ESF1: variants seen among roughly 807,000 people sequenced by gnomAD.
The protein encoded by ESF1 is ESF1 homolog.
Under a neutral mutation model 92.0 loss-of-function variants are expected in ESF1, and 58 were observed. That is an observed-to-expected ratio of 0.63 (90% CI 0.51 to 0.78). The LOEUF (loss-of-function observed/expected upper bound fraction) is 0.78, where lower values mean the gene tolerates loss of function less well. Ranked by LOEUF, ESF1 falls within the 30% of genes least tolerant of loss-of-function variation. The pLI, the probability that ESF1 is intolerant of heterozygous loss-of-function variation, is 0.00. For missense variants in ESF1, 922 were observed against 989.1 expected, an observed-to-expected ratio of 0.93 and a Z score of 0.91; for synonymous variants, 321 against 313.7, an observed-to-expected ratio of 1.02 and a Z score of -0.24.
chr20:13,769,751 A>C (rs1315864421), intron 7 of ESF1, among the ~76,000 whole-genome samples, 156 bp downstream of exon 7: 1 of 152,198 alleles, frequency 6.6e-6, no homozygotes, highest in East Asian at 1.9e-4. Context: ...ATACCACTGC[A>C]CTCCAGCCTG....
Position 13,733,769 on chromosome 20 carries a change from T to C in ESF1, c.1902A>G (p.Gln634=), listed in dbSNP as rs1352251427. ...EGKDKLTPWE[Q]FLEKKKEKKR... ...TTTTCTCTTTCTTCTTCTCTAAAAATTGTTCCCAAGGGGTCAGTTTATCCT... is the reference window on the plus strand; with the variant it reads ...TTTTCTCTTTCTTCTTCTCTAAAAACTGTTCCCAAGGGGTCAGTTTATCCT... Residue 634 remains glutamine, a synonymous_variant, in exon 10 of 14, where the codon CAA becomes CAG. Coordinates refer to ENST00000617257, the MANE Select transcript of ESF1 (RefSeq NM_001276380.2). 6.2e-7 allele frequency: 1 copy of C among 1,613,108 alleles called. No homozygotes were observed. Among genetic ancestry groups the C allele is most frequent in the Non-Finnish European group, 8.5e-7 (1 of 1,179,866 alleles).
At chr20:13,738,959 A>G (rs545184274) in intron 9 of ESF1, among the ~76,000 whole-genome samples, 23 of 152,360 alleles carry the variant, frequency 1.5e-4, no homozygotes, top group African/African-American at 4.8e-4. Flanking sequence ...AATAGTAAAT[A>G]GCAAAAATGA....
At chr20:13,758,525 T>A (rs1979005121) in intron 9 of ESF1, among the ~76,000 whole-genome samples, 1 of 152,130 alleles carries the variant, frequency 6.6e-6, no homozygotes, top group African/African-American at 2.4e-5. Context: ...TCCTCAAATA[T>A]CAAAATACCC....
At chr20:13,736,178 G>A (rs962879450) in intron 9 of ESF1, among the ~76,000 whole-genome samples, 2 of 152,112 alleles carry the variant, frequency 1.3e-5, no homozygotes, top group Non-Finnish European at 2.9e-5. Context: ...TTTTGGACCA[G>A]ATAATTCTTT....
chr20:13,737,107 C>T (rs2049980336), intron 9 of ESF1, among the ~76,000 whole-genome samples: 1 of 152,184 alleles, frequency 6.6e-6, no homozygotes, highest in African/African-American at 2.4e-5. Context: ...AGAGCAGCCA[C>T]TATGTGACTG....
chr20:13,714,847 T>C lies in ESF1; in HGVS notation c.*27A>G. On this transcript the variant is annotated 3_prime_UTR_variant, in exon 14 of 14. Transcript: ENST00000617257. ...TTTGTACATTTTAGGAAAAGATGTATTCAGTTCAAAAATAAGTAACATCCA... is the reference window on the plus strand; with the variant it reads ...TTTGTACATTTTAGGAAAAGATGTACTCAGTTCAAAAATAAGTAACATCCA... 6.4e-7 allele frequency: 1 copy of C among 1,550,680 alleles called. No individual in the cohort carries two copies.
chr20:13,769,974 G>A lies in ESF1; in HGVS notation c.1451C>T (p.Ala484Val). ...ATATGCTGTTAAATTCACTTCTGAG[G>A]CTACATCCTTAGGCTCATCATCAAA... ...ITFDDEPKDVASEVNLTAYKP... is the reference protein window; with the variant it reads ...ITFDDEPKDVVSEVNLTAYKP... Residue 484 changes from alanine (A) to valine (V), a missense_variant, in exon 7 of 14, where the codon GCC (alanine) becomes GTC (valine). Ala to Val is a moderately conservative substitution (Grantham distance 64). Coordinates refer to ENST00000617257, the MANE Select transcript of ESF1 (RefSeq NM_001276380.2). 1 of 1,611,940 alleles carries A rather than the reference G, an allele frequency of 6.2e-7. No individual in the cohort carries two copies. The highest frequency in any genetic ancestry group is 2.2e-5 in the East Asian group (1 of 44,784).
chr20:13,762,266 A>C (rs572734684), intron 8 of ESF1, among the ~76,000 whole-genome samples: 27 of 152,268 alleles, frequency 1.8e-4, no homozygotes, highest in African/African-American at 5.8e-4. Flanking sequence ...ATCCTATCAC[A>C]CTTTTATTTT....
Position 13,784,889 on chromosome 20 carries a change from T to A in ESF1, c.-53A>T. ...GTCCATCCCCACTCACCGTCCGCAG[T>A]CCTACCAAGCCTCACGTGGGGCTCA... On this transcript the variant is annotated 5_prime_UTR_variant, in exon 1 of 14. Transcript: ENST00000617257. 1.6e-6 allele frequency: 1 copy of A among 620,052 alleles called. No individual in the cohort carries two copies. Among genetic ancestry groups the A allele is most frequent in the South Asian group, 1.9e-5 (1 of 51,414 alleles). The allele number at this position is 620,052 out of a possible 1,614,324, so 38.4% of individuals were successfully genotyped here.
intron 9 of ESF1, among the ~76,000 whole-genome samples, chr20:13,755,729 A>G (rs946317447): frequency 6.6e-6 from 1 of 152,234 alleles, no homozygotes; most frequent in Non-Finnish European, 1.5e-5. Flanking sequence ...ATATTGATAG[A>G]AAGAGTAGCT....
chr20:13,764,458 T>G (rs1305013601), intron 8 of ESF1, among the ~76,000 whole-genome samples: 2 of 152,164 alleles, frequency 1.3e-5, no homozygotes, highest in Non-Finnish European at 2.9e-5. Context: ...AAAGTACAGC[T>G]GATTCTTCAA....
intron 11 of ESF1, among the ~76,000 whole-genome samples, chr20:13,720,282 G>C (rs1326272755): frequency 6.6e-6 from 1 of 152,076 alleles, no homozygotes; most frequent in Non-Finnish European, 1.5e-5. Flanking sequence ...TGAGAGCCAA[G>C]TGTGACCCAC....
chr20:13,782,646 AT>A lies in ESF1; in HGVS notation c.494del (p.Asn165IlefsTer24), dbSNP rs775532281. 2.7e-5 allele frequency: 43 copies of A among 1,605,530 alleles called. No individual in the cohort carries two copies. The highest frequency in any genetic ancestry group is 3.5e-5 in the Non-Finnish European group (41 of 1,177,792). ...KKDSKEFTQKNKKEKKNIVQH... is the reference protein window; with the variant it reads ...KKDSKEFTQKXKKEKKNIVQH... ...GAACAATGTTTTTTTTCTCTTTCTT[AT>A]TTTTTTGTGTAAATTCTTTGCTATC... On this transcript the variant is annotated frameshift_variant, in exon 2 of 14. Coordinates refer to ENST00000617257, the MANE Select transcript of ESF1 (RefSeq NM_001276380.2). LOFTEE classifies it high-confidence loss of function.
intron 10 of ESF1, among the ~76,000 whole-genome samples, chr20:13,731,475 T>C (rs1000076354): frequency 9.0e-5 from 12 of 133,118 alleles, no homozygotes; most frequent in African/African-American, 3.5e-4. Flanking sequence ...GAGCTTGCAG[T>C]GAGCCGAGAT....
chr20:13,717,240 G>T, intron 13 of ESF1, 128 bp downstream of exon 13: 2 of 1,124,632 alleles, frequency 1.8e-6, no homozygotes, highest in Non-Finnish European at 2.6e-6. Flanking sequence ...GATTATAGGC[G>T]TGAGCCACTG....
At chr20:13,762,334 T>C (rs896775618) in intron 8 of ESF1, among the ~76,000 whole-genome samples, 1 of 152,200 alleles carries the variant, frequency 6.6e-6, no homozygotes, top group African/African-American at 2.4e-5. Flanking sequence ...ACAATAATAA[T>C]GTTGGATGGA....
At chr20:13,738,758 C>A (rs1050115000) in intron 9 of ESF1, among the ~76,000 whole-genome samples, 1 of 152,158 alleles carries the variant, frequency 6.6e-6, no homozygotes, top group Admixed American at 6.5e-5. Flanking sequence ...GGGCAAAGGT[C>A]ATAGCCTGTT....
intron 10 of ESF1, among the ~76,000 whole-genome samples, chr20:13,733,425 A>G (rs2049956378): frequency 6.6e-6 from 1 of 152,214 alleles, no homozygotes; most frequent in Admixed American, 6.5e-5. Flanking sequence ...GAACAGAATC[A>G]TACTGCTTAT....
At chr20:13,757,070 T>C (rs1366257039) in intron 9 of ESF1, among the ~76,000 whole-genome samples, 2 of 152,172 alleles carry the variant, frequency 1.3e-5, no homozygotes, top group African/African-American at 4.8e-5. Flanking sequence ...TAAATTAAAC[T>C]GTAATCTTCT....
Sources: allele counts gnomAD v4.1 joint callset (sites outside exome capture counted in the v4.1 genomes callset), GRCh38; gene constraint gnomAD v4.1.1; transcripts MANE v1.5; gene names NCBI Gene and HGNC (gene_info 2026-07-23, HGNC 2026-07-21).